ZNF451: variants seen among roughly 807,000 people sequenced by gnomAD.
ZNF451 encodes zinc finger protein 451.
In ZNF451, 80 loss-of-function variants were observed where a neutral mutation model predicts 107.1. The ratio of observed to expected loss-of-function variants is 0.75; its 90% CI spans 0.62 to 0.90. The LOEUF (loss-of-function observed/expected upper bound fraction) is 0.90. Ranked by LOEUF, ZNF451 falls within the 40% of genes least tolerant of loss-of-function variation. ZNF451 has a pLI of 0.00. For missense variants in ZNF451, 1,107 were observed against 1,236.2 expected (o/e 0.90, Z 1.57); for synonymous variants, 362 against 406.5 (o/e 0.89, Z 1.32).
At chr6:57,108,147 G>A in intron 3 of ZNF451, 1 of 985,318 alleles carries the variant, frequency 1.0e-6, no homozygotes, top group Non-Finnish European at 1.2e-6. Context: ...CCTGTATTTG[G>A]TGATATTTTA....
At chr6:57,161,369 T>C (rs932569705) in intron 14 of ZNF451, among the ~76,000 whole-genome samples, 1 of 152,116 alleles carries the variant, frequency 6.6e-6, no homozygotes, top group Non-Finnish European at 1.5e-5. Context: ...GGCCCTTGGG[T>C]CAAATCCAGT....
rs773401348 is a variant in ZNF451, at chr6:57,113,908, C to T, written c.187-10826C>T. ...AGTGCTGGGATTACAGGCGTGATCA[C>T]GCCACCGCGCCCAGCCGAAAAATTT... On this transcript the variant is annotated intron_variant, in intron 3 of 14. Transcript: ENST00000370706. Among the ~76,000 whole-genome samples the T allele has an allele frequency of 1.2e-4, 18 of 152,144 alleles. No homozygotes were observed. In the East Asian group the frequency reaches 2.5e-3, roughly 21 times the overall value.
rs1562617582 is a variant in ZNF451 at position 57,141,566 on chromosome 6, T to C, written c.856+111T>C. The C allele has an allele frequency of 7.9e-6, 8 of 1,011,700 alleles. No individual in the cohort carries two copies. The South Asian group carries it at 1.9e-4, about 23-fold the overall frequency. 62.7% of individuals were successfully genotyped at this position (1,011,700 alleles called of 1,614,324 possible). On this transcript the variant is annotated intron_variant, in intron 8 of 14. Transcript: ENST00000370706. ...CATATCCTCATCTTAGTTTTAGAACTATGAAAGTAAAAGATTATCTCAATT... is the reference window on the plus strand; with the variant it reads ...CATATCCTCATCTTAGTTTTAGAACCATGAAAGTAAAAGATTATCTCAATT...
At chr6:57,104,258 C>G (rs1829742265) in intron 3 of ZNF451, 1 of 985,228 alleles carries the variant, frequency 1.0e-6, no homozygotes, top group Non-Finnish European at 1.2e-6. Flanking sequence ...GTGTATTGCA[C>G]CAATCAAGCA....
At chr6:57,110,877 T>C (rs1397580802) in intron 3 of ZNF451, among the ~76,000 whole-genome samples, 2 of 151,724 alleles carry the variant, frequency 1.3e-5, no homozygotes, top group Non-Finnish European at 2.9e-5. Flanking sequence ...TAAGTTTTTT[T>C]CCTTGCTGTT....
chr6:57,149,650 T>G (rs1189986112), intron 10 of ZNF451, among the ~76,000 whole-genome samples: 2 of 152,212 alleles, frequency 1.3e-5, no homozygotes, highest in Non-Finnish European at 2.9e-5. Flanking sequence ...TAATGTATTT[T>G]TATGAACTAT....
chr6:57,138,723 A>ATGTG (rs1562615442), intron 7 of ZNF451, among the ~76,000 whole-genome samples: 13 of 117,004 alleles, frequency 1.1e-4, no homozygotes, highest in Non-Finnish European at 1.1e-4. Context: ...ATATATATAT[A>ATGTG]TATATATATA....
chr6:57,136,829 C>T (rs1425386829), intron 7 of ZNF451, among the ~76,000 whole-genome samples: 3 of 151,604 alleles, frequency 2.0e-5, no homozygotes, highest in South Asian at 2.1e-4. Context: ...TCTTTTTTCT[C>T]GGAATCACAC....
chr6:57,137,981 C>T (rs1831516799), intron 7 of ZNF451, among the ~76,000 whole-genome samples: 2 of 152,168 alleles, frequency 1.3e-5, no homozygotes, highest in Non-Finnish European at 2.9e-5. Flanking sequence ...ACATATGCCG[C>T]ATTGTATTTA....
intron 3 of ZNF451, chr6:57,109,427 T>C (rs550026373): frequency 1.0e-6 from 1 of 985,352 alleles, no homozygotes; most frequent in Non-Finnish European, 1.2e-6. Flanking sequence ...TCACTTGTTT[T>C]CTGAGCCTCA....
At chr6:57,116,223 A>C (rs978720169) in intron 3 of ZNF451, 7 of 152,176 alleles carry the variant, frequency 4.6e-5, no homozygotes, top group African/African-American at 1.4e-4. Flanking sequence ...TGGCCCCTTT[A>C]ACCAGCTACC....
chr6:57,161,822 G>A lies in ZNF451; in HGVS notation c.3139+670G>A, dbSNP rs560058725. On this transcript the variant is annotated intron_variant, in intron 14 of 14. Coordinates refer to ENST00000370706, the MANE Select transcript of ZNF451 (RefSeq NM_001031623.3). ...TGATTCTTGTGCCCCAGCCTCCACA[G>A]TAGCTGGTATTACAGGCGTGTGCCA... 5.3e-5 allele frequency among the ~76,000 whole-genome samples: 8 copies of A among 152,266 alleles called. No homozygotes were observed. In the South Asian group the frequency reaches 1.7e-3, roughly 32 times the overall value.
Position 57,152,351 on chromosome 6 carries a change from T to C in ZNF451, c.2883T>C (p.His961=), listed in dbSNP as rs1467968425. Residue 961 remains histidine (H), a splice_region_variant and synonymous_variant, in exon 12 of 15, where the codon CAT becomes CAC. Transcript: ENST00000370706. ...CTGCTGATTTTGCCATATGTATGCA[T>C]GTGAGTCATTGTTTTATTCAAAATC... ...KDAADFAICM[H]AGRLDEQLPK... The C allele has an allele frequency of 2.5e-6, 4 of 1,611,120 alleles. No individual in the cohort carries two copies. Among genetic ancestry groups the C allele is most frequent in the African/African-American group, 1.3e-5 (1 of 74,782 alleles).
chr6:57,102,753 G>A (rs925731491), intron 3 of ZNF451: 20 of 985,292 alleles, frequency 2.0e-5, no homozygotes, highest in Admixed American at 1.2e-4. Context: ...GCTAGATGTC[G>A]CAGGTCTATT....
chr6:57,154,142 C>G, intron 13 of ZNF451, 95 bp downstream of exon 13: 4 of 1,213,254 alleles, frequency 3.3e-6, no homozygotes, highest in Non-Finnish European at 4.8e-6. Flanking sequence ...TGAACTGTTG[C>G]CTGCTTGCTA....
At chr6:57,123,042 C>T (rs147989066) in intron 3 of ZNF451, among the ~76,000 whole-genome samples, 77 of 152,198 alleles carry the variant, frequency 5.1e-4, no homozygotes, top group Middle Eastern at 3.4e-3. Flanking sequence ...GTGGTGTGCA[C>T]CTGTAGTCCC....
intron 3 of ZNF451, among the ~76,000 whole-genome samples, chr6:57,112,568 C>T (rs1307815142): frequency 1.3e-5 from 2 of 152,170 alleles, no homozygotes; most frequent in South Asian, 2.1e-4. Flanking sequence ...TTACCTTCTT[C>T]CCTCCTACAA....
Position 57,148,575 on chromosome 6 carries a change from G to C in ZNF451, c.2490G>C (p.Leu830=), listed in dbSNP as rs758754206. 1 of 1,613,952 alleles carries C rather than the reference G, an allele frequency of 6.2e-7. No homozygotes were observed. The highest frequency in any genetic ancestry group is 2.2e-5 in the East Asian group (1 of 44,896). The change falls in exon 10 of 15, where the codon CTG becomes CTC. Residue 830 remains leucine (L), a synonymous_variant. Coordinates refer to ENST00000370706, the MANE Select transcript of ZNF451 (RefSeq NM_001031623.3). ...ATTTTGGATCTGAAAAATCAAACCT[G>C]TACAAGTTTACTGCTAGTGCCTCAC... ...VAHFGSEKSN[L]YKFTASASHT...
At chr6:57,094,581 A>G (rs1003502301) in intron 2 of ZNF451, among the ~76,000 whole-genome samples, 1 of 152,198 alleles carries the variant, frequency 6.6e-6, no homozygotes, top group Non-Finnish European at 1.5e-5. Context: ...TTACAGGACC[A>G]TACGCAGTTA....
Sources: allele counts gnomAD v4.1 joint callset (sites outside exome capture counted in the v4.1 genomes callset), GRCh38; gene constraint gnomAD v4.1.1; transcripts MANE v1.5; gene names NCBI Gene and HGNC (gene_info 2026-07-23, HGNC 2026-07-21).